QRICH1: variants seen among roughly 807,000 people sequenced by gnomAD.
QRICH1 encodes the protein transcriptional regulator QRICH1.
QRICH1 carries 16 observed loss-of-function variants against 87.1 expected under a neutral mutation model. The observed-to-expected ratio is 0.18, with a 90% CI of 0.12 to 0.28. The LOEUF (loss-of-function observed/expected upper bound fraction) is 0.28, where lower values mean the gene tolerates loss of function less well. QRICH1 is among the 10% of genes least tolerant of loss of function. QRICH1 has a pLI of 1.00. For synonymous variants in QRICH1, 367 were observed against 368.4 expected, an observed-to-expected ratio of 1.00 and a Z score of 0.05; for missense variants, 647 against 951.7, an observed-to-expected ratio of 0.68 and a Z score of 4.21.
chr3:49,046,974 A>G, intron 4 of QRICH1, 95 bp downstream of exon 4: 26 of 1,393,542 alleles, frequency 1.9e-5, no homozygotes, highest in Non-Finnish European at 2.6e-5. Context: ...CTTGTCCCCA[A>G]GACAGGAGAC....
intron 1 of QRICH1, among the ~76,000 whole-genome samples, chr3:49,084,111 A>C (rs962921369): frequency 1.3e-5 from 2 of 151,500 alleles, no homozygotes; most frequent in African/African-American, 2.4e-5. Context: ...ACATCCGGCT[A>C]ATTTTTATAT....
intron 1 of QRICH1, among the ~76,000 whole-genome samples, chr3:49,084,084 G>C (rs545591126): frequency 3.3e-5 from 5 of 152,140 alleles, no homozygotes; most frequent in Non-Finnish European, 7.4e-5. Context: ...ACAGGTATGA[G>C]CCACCGCACC....
At chr3:49,055,676 T>G (rs1184307125) in intron 3 of QRICH1, among the ~76,000 whole-genome samples, 1 of 150,878 alleles carries the variant, frequency 6.6e-6, no homozygotes. Context: ...ATAGTTTTTT[T>G]GTTTGTTTGT....
Position 49,057,408 on chromosome 3 carries a change from C to A in QRICH1, c.792G>T (p.Pro264=). Residue 264 remains proline (P), a synonymous_variant, in exon 3 of 10, where the codon CCG becomes CCT. Coordinates refer to ENST00000395443, the MANE Select transcript of QRICH1 (RefSeq NM_198880.3). The surrounding 1 kb of genome is among the most constrained non-coding windows in gnomAD (Gnocchi z 5.4). ...ITVSYAISGQ[P]VATVLAIPQG... is the part of the protein sequence containing the mutation. ...GTGGAATGGCCAGCACGGTGGCCAC[C>A]GGCTGCCCTGAGATGGCGTAGGACA... 1 of 1,614,122 alleles carries A rather than the reference C, an allele frequency of 6.2e-7. No individual in the cohort carries two copies. Among genetic ancestry groups the A allele is most frequent in the Non-Finnish European group, 8.5e-7 (1 of 1,180,026 alleles).
chr3:49,038,343 G>C (rs2093288401), intron 6 of QRICH1, among the ~76,000 whole-genome samples: 1 of 152,046 alleles, frequency 6.6e-6, no homozygotes, highest in Non-Finnish European at 1.5e-5. Context: ...TTACAAGCAT[G>C]AGCCACTGCG....
chr3:49,041,643 T>C (rs575050151), intron 6 of QRICH1, among the ~76,000 whole-genome samples: 2 of 152,042 alleles, frequency 1.3e-5, no homozygotes, highest in South Asian at 4.2e-4. Flanking sequence ...TCCTTTTTTT[T>C]TTTCTGAGAC....
intron 1 of QRICH1, among the ~76,000 whole-genome samples, chr3:49,079,466 A>G (rs2042016278): frequency 1.4e-5 from 2 of 148,036 alleles, no homozygotes; most frequent in African/African-American, 4.9e-5. Flanking sequence ...TATAAATATA[A>G]TTTTTACATA....
intron 6 of QRICH1, among the ~76,000 whole-genome samples, chr3:49,043,528 A>G (rs2093322831): frequency 8.5e-6 from 1 of 117,090 alleles, no homozygotes; most frequent in South Asian, 2.7e-4. Context: ...AAAAAAGTCT[A>G]TTAAAAACAA....
chr3:49,043,074 T>C (rs1295109117), intron 6 of QRICH1, among the ~76,000 whole-genome samples: 2 of 152,160 alleles, frequency 1.3e-5, no homozygotes, highest in East Asian at 1.9e-4. Flanking sequence ...TTATAACAAA[T>C]GTACCATACT....
At chr3:49,064,482 T>TCCTCAAGCAATCCACCTA (rs1371091364) in intron 2 of QRICH1, among the ~76,000 whole-genome samples, 1 of 151,298 alleles carries the variant, frequency 6.6e-6, no homozygotes, top group Non-Finnish European at 1.5e-5. Flanking sequence ...TGAACTCATA[T>TCCTCAAGCAATCCACCTA]CCTCAAGCAA....
At chr3:49,051,527 G>C (rs909067415) in intron 3 of QRICH1, among the ~76,000 whole-genome samples, 2 of 149,506 alleles carry the variant, frequency 1.3e-5, no homozygotes, top group African/African-American at 4.9e-5. Context: ...TTCCAGTTTG[G>C]ATATCCATAT....
intron 6 of QRICH1, among the ~76,000 whole-genome samples, chr3:49,041,347 G>A (rs2093308623): frequency 6.6e-6 from 1 of 151,896 alleles, no homozygotes; most frequent in African/African-American, 2.4e-5. Context: ...ATATGTGTGT[G>A]TGTGTGTGTG....
At chr3:49,050,818 T>C (rs2093366279) in intron 3 of QRICH1, among the ~76,000 whole-genome samples, 1 of 152,176 alleles carries the variant, frequency 6.6e-6, no homozygotes, top group Non-Finnish European at 1.5e-5. Flanking sequence ...GGAGGGCAGC[T>C]GAGCTCAGGG....
At chr3:49,077,917 T>C (rs954191111) in intron 1 of QRICH1, among the ~76,000 whole-genome samples, 1 of 152,180 alleles carries the variant, frequency 6.6e-6, no homozygotes, top group African/African-American at 2.4e-5. Flanking sequence ...CAAGTTTTCA[T>C]CAGGTATTTA....
chr3:49,057,405 C>T lies in QRICH1; in HGVS notation c.795G>A (p.Val265=), dbSNP rs560034242. ...TVSYAISGQP[V]ATVLAIPQGQ... is the part of the protein sequence containing the mutation. ...CCTGTGGAATGGCCAGCACGGTGGC[C>T]ACCGGCTGCCCTGAGATGGCGTAGG... The change falls in exon 3 of 10, where the codon GTG becomes GTA. Residue 265 remains valine, a synonymous_variant. Transcript: ENST00000395443. This position sits in a 1 kb window ranked among gnomAD's most constrained non-coding sequence, Gnocchi z 5.4. The T allele has an allele frequency of 6.2e-7, 1 of 1,614,170 alleles. No individual in the cohort carries two copies. The highest frequency in any genetic ancestry group is 1.1e-5 in the South Asian group (1 of 91,086).
Position 49,090,096 on chromosome 3 carries a change from C to T in QRICH1, c.-22+3816G>A, listed in dbSNP as rs189766210. On this transcript the variant is annotated intron_variant, in intron 1 of 9. Coordinates refer to ENST00000395443, the MANE Select transcript of QRICH1 (RefSeq NM_198880.3). ...TTGGGAGGCCAAGGTAGGCAGACCACGAGGTCAGGAGTTCAAGACCAGCCT... is the reference window on the plus strand; with the variant it reads ...TTGGGAGGCCAAGGTAGGCAGACCATGAGGTCAGGAGTTCAAGACCAGCCT... Among the ~76,000 whole-genome samples the T allele has an allele frequency of 2.6e-5, 4 of 152,248 alleles. No individual in the cohort carries two copies. In the East Asian group the frequency reaches 5.8e-4, roughly 22 times the overall value.
At position 49,030,275 on chromosome 3, in the gene QRICH1, T is replaced by C; in HGVS notation, c.*177A>G. 1.6e-6 allele frequency: 1 copy of C among 616,882 alleles called. No homozygotes were observed. The highest frequency in any genetic ancestry group is 2.1e-5 in the South Asian group (1 of 47,034). The allele number at this position is 616,882 out of a possible 1,614,324, so 38.2% of individuals were successfully genotyped here. ...CGGCTGAGGAGTCTGCCGCAGCAGG[T>C]TTATGAAGATGCAAAGGGGGCAAAG... On this transcript the variant is annotated 3_prime_UTR_variant, in exon 10 of 10. Coordinates refer to ENST00000395443, the MANE Select transcript of QRICH1 (RefSeq NM_198880.3).
chr3:49,057,496 C>T lies in QRICH1; in HGVS notation c.704G>A (p.Arg235Gln), dbSNP rs774996707. The change falls in exon 3 of 10, where the codon CGG (arginine) becomes CAG (glutamine). Residue 235 changes from arginine to glutamine, a missense_variant. By Grantham distance (43) the Arg-to-Gln change is conservative. Coordinates refer to ENST00000395443, the MANE Select transcript of QRICH1 (RefSeq NM_198880.3). The surrounding 1 kb of genome is among the most constrained non-coding windows in gnomAD (Gnocchi z 5.4). ...TTGGAGGACACTGGCCGTGCCAACCCGCCGCTCCCCTTCCCGGGGTGAGCC... is the reference window on the plus strand; with the variant it reads ...TTGGAGGACACTGGCCGTGCCAACCTGCCGCTCCCCTTCCCGGGGTGAGCC... ...QQGSPREGERRVGTASVLQPV... is the reference protein window; with the variant it reads ...QQGSPREGERQVGTASVLQPV... The T allele has an allele frequency of 2.0e-5, 32 of 1,613,206 alleles. No individual in the cohort carries two copies. Among genetic ancestry groups the T allele is most frequent in the Admixed American group, 5.0e-5 (3 of 59,990 alleles).
intron 1 of QRICH1, among the ~76,000 whole-genome samples, chr3:49,088,767 A>G (rs1455295195): frequency 6.6e-6 from 1 of 151,800 alleles, no homozygotes; most frequent in Non-Finnish European, 1.5e-5. Flanking sequence ...CTGGGACTAC[A>G]GGTCCATGCT....
Sources: gnomAD v4.1 joint callset for allele counts (sites outside exome capture counted in the v4.1 genomes callset) on GRCh38, gnomAD v4.1.1 for gene constraint, Gnocchi (gnomAD v3.1) non-coding constraint, MANE v1.5 for transcripts, NCBI Gene and HGNC (gene_info 2026-07-23, HGNC 2026-07-21) for gene names.